Variants in ATXN7L1 observed in about 807,000 individuals in gnomAD.
ATXN7L1 encodes ataxin-7-like protein 1.
In ATXN7L1, 15 loss-of-function variants were observed where a neutral mutation model predicts 70.8. That is an observed-to-expected ratio of 0.21 (90% CI 0.14 to 0.33). The LOEUF (loss-of-function observed/expected upper bound fraction) is 0.33, where lower values mean the gene tolerates loss of function less well. ATXN7L1 is among the 10% of genes least tolerant of loss of function. The probability of loss-of-function intolerance (pLI) is 1.00; values close to 1 mark genes in which losing one functional copy is unlikely to be tolerated. For missense variants in ATXN7L1, 975 were observed against 1,097.1 expected (o/e 0.89, Z 1.57); for synonymous variants, 440 against 445.1 (o/e 0.99, Z 0.14).
intron 7 of ATXN7L1, among the ~76,000 whole-genome samples, chr7:105,628,718 G>A (rs370400582): frequency 4.0e-5 from 6 of 151,814 alleles, no homozygotes; most frequent in African/African-American, 1.4e-4. Flanking sequence ...GCGTGAACCC[G>A]GGAGGCAGAG....
chr7:105,746,202 GCACCTTGTGACGGTGTCCTGTTCCC>G (rs1318104830), intron 3 of ATXN7L1, among the ~76,000 whole-genome samples: 2 of 152,192 alleles, frequency 1.3e-5, no homozygotes, highest in African/African-American at 4.8e-5. Flanking sequence ...ACTTTTACAA[GCACCTTGTGACGGTGTCCTGTTCCC>G]ACCCTTCCTG....
intron 9 of ATXN7L1, among the ~76,000 whole-genome samples, chr7:105,617,031 C>A (rs1313861467): frequency 6.6e-6 from 1 of 151,564 alleles, no homozygotes; most frequent in Non-Finnish European, 1.5e-5. Context: ...TCCATTTTTT[C>A]CATTTTTTTT....
chr7:105,758,939 T>C (rs1800153075), intron 3 of ATXN7L1, among the ~76,000 whole-genome samples: 1 of 152,164 alleles, frequency 6.6e-6, no homozygotes, highest in Non-Finnish European at 1.5e-5. Context: ...TCTTTACATC[T>C]TGAGCCATCC....
chr7:105,651,428 A>G (rs566573), intron 4 of ATXN7L1, among the ~76,000 whole-genome samples: 2,466 of 152,290 alleles, frequency 0.016, 61 homozygotes, highest in African/African-American at 0.056. Flanking sequence ...TGAAAGGTAT[A>G]TATGTGGGGT....
At chr7:105,642,397 C>T (rs1798403197) in intron 5 of ATXN7L1, among the ~76,000 whole-genome samples, 1 of 152,232 alleles carries the variant, frequency 6.6e-6, no homozygotes, top group Non-Finnish European at 1.5e-5. Context: ...CCCTGTGCAG[C>T]ACAGCTGTTG....
In ATXN7L1 at chr7:105,639,402, C is replaced by A; in HGVS notation, c.945+85G>T. The A allele has an allele frequency of 5.5e-6, 6 of 1,087,702 alleles. No individual in the cohort carries two copies. The Admixed American group carries it at 1.2e-4, about 22-fold the overall frequency. The allele number at this position is 1,087,702 out of a possible 1,614,324, so 67.4% of individuals were successfully genotyped here. On this transcript the variant is annotated intron_variant, in intron 6 of 11. Coordinates refer to ENST00000419735, the MANE Select transcript of ATXN7L1 (RefSeq NM_020725.2). ...GGGGGTCATGTCGAGGTTCCACACC[C>A]TGCCGTGTGCAGAGAGTGGCATGCA...
At chr7:105,834,937 G>A (rs973092152) in intron 2 of ATXN7L1, among the ~76,000 whole-genome samples, 2 of 151,900 alleles carry the variant, frequency 1.3e-5, no homozygotes, top group Admixed American at 1.3e-4. Context: ...GGAATCCAGG[G>A]CCAGTTTTTC....
At chr7:105,764,833 C>T (rs1801034314) in intron 3 of ATXN7L1, among the ~76,000 whole-genome samples, 1 of 151,802 alleles carries the variant, frequency 6.6e-6, no homozygotes, top group Admixed American at 6.6e-5. Context: ...AAATAGTAAC[C>T]TTTCTAAAGT....
chr7:105,760,543 G>C, intron 3 of ATXN7L1: 1 of 985,868 alleles, frequency 1.0e-6, no homozygotes, highest in South Asian at 4.7e-5. Context: ...TCACGCTCCA[G>C]CTATCACGTA....
At position 105,614,929 on chromosome 7, in the gene ATXN7L1, G is replaced by T; in HGVS notation, c.1518-113C>A. 1 of 1,267,482 alleles carries T rather than the reference G, an allele frequency of 7.9e-7. No homozygotes were observed. The highest frequency in any genetic ancestry group is 1.1e-6 in the Non-Finnish European group (1 of 935,060). The allele number at this position is 1,267,482 out of a possible 1,614,324, so 78.5% of individuals were successfully genotyped here. ...TACAGAGGACACCCCGGCAGAACCAGACTATGGAGAATGGAGCCTTGAAGG... is the reference window on the plus strand; with the variant it reads ...TACAGAGGACACCCCGGCAGAACCATACTATGGAGAATGGAGCCTTGAAGG... On this transcript the variant is annotated intron_variant, in intron 9 of 11. Transcript: ENST00000419735. The surrounding 1 kb of genome is among the most constrained non-coding windows in gnomAD (Gnocchi z 4.3).
chr7:105,713,383 C>G (rs1794157871), intron 3 of ATXN7L1, among the ~76,000 whole-genome samples: 1 of 152,214 alleles, frequency 6.6e-6, no homozygotes, highest in African/African-American at 2.4e-5. Flanking sequence ...TGGCTGGGGT[C>G]TGACGGGAAT....
chr7:105,607,985 A>G (rs982028658), intron 11 of ATXN7L1, 95 bp from the exon 12 acceptor site: 50 of 1,170,686 alleles, frequency 4.3e-5, no homozygotes, highest in Admixed American at 8.0e-5. Context: ...CTCATCTATA[A>G]TAGAAAGGAC....
rs556048408 is a variant in ATXN7L1 at position 105,740,784 on chromosome 7, T to TTTTTTTTTTG, written c.355+47819_355+47820insCAAAAAAAAA. ...GGCTCCATTCATTTTTTTTTTTTTT[T>TTTTTTTTTTG]AATGGAGTCTCACTCTGTCGCCCAG... is the stretch of plus-strand genomic sequence containing the variant. On this transcript the variant is annotated intron_variant, in intron 3 of 11. Transcript: ENST00000419735. Among the ~76,000 whole-genome samples, 43 of 77,924 alleles carry TTTTTTTTTTG rather than the reference T, an allele frequency of 5.5e-4. 7 individuals carry two copies. In the East Asian group the frequency reaches 9.3e-3, roughly 17 times the overall value. 51.1% of individuals were successfully genotyped at this position (77,924 alleles called of 152,430 possible).
At chr7:105,619,536 T>A (rs1278682455) in intron 9 of ATXN7L1, among the ~76,000 whole-genome samples, 447 of 5,202 alleles carry the variant, frequency 0.086, 1 homozygote, top group South Asian at 0.14. Context: ...ATATATTTTT[T>A]TTTTTTTTTT....
intron 4 of ATXN7L1, among the ~76,000 whole-genome samples, chr7:105,660,679 T>A (rs1346873081): frequency 7.2e-6 from 1 of 138,442 alleles, no homozygotes; most frequent in Non-Finnish European, 1.5e-5. Context: ...GCCTCCAGGG[T>A]TCAAGCGATT....
At chr7:105,636,272 G>A (rs1022371768) in intron 7 of ATXN7L1, among the ~76,000 whole-genome samples, 39 of 152,106 alleles carry the variant, frequency 2.6e-4, no homozygotes, top group African/African-American at 9.2e-4. Flanking sequence ...GCACACGCCT[G>A]TAATCCCAGC....
intron 2 of ATXN7L1, among the ~76,000 whole-genome samples, chr7:105,805,853 G>T (rs1353769892): frequency 6.6e-6 from 1 of 152,166 alleles, no homozygotes; most frequent in Admixed American, 6.5e-5. Context: ...TGAGGATGCT[G>T]GGGGGAAGGG....
intron 2 of ATXN7L1, among the ~76,000 whole-genome samples, chr7:105,801,553 A>C (rs554310208): frequency 6.6e-6 from 1 of 152,318 alleles, no homozygotes; most frequent in East Asian, 1.9e-4. Context: ...GGTAATATGG[A>C]ACTTCTTGCT....
intron 2 of ATXN7L1, among the ~76,000 whole-genome samples, chr7:105,873,121 T>A (rs187647311): frequency 1.1e-3 from 164 of 152,120 alleles, no homozygotes; most frequent in African/African-American, 3.7e-3. Context: ...GCCACTGCAC[T>A]CCAGCCTGGG....
Sources: allele counts gnomAD v4.1 joint callset (sites outside exome capture counted in the v4.1 genomes callset), GRCh38; gene constraint gnomAD v4.1.1; non-coding constraint Gnocchi (gnomAD v3.1); transcripts MANE v1.5; gene names NCBI Gene and HGNC (gene_info 2026-07-23, HGNC 2026-07-21).